Variants in TBC1D9 observed in about 807,000 individuals in gnomAD.
TBC1D9 encodes the protein TBC1 domain family member 9A.
Under a neutral mutation model 132.0 loss-of-function variants are expected in TBC1D9, and 63 were observed. The ratio of observed to expected loss-of-function variants is 0.48; its 90% CI spans 0.39 to 0.59. The LOEUF (loss-of-function observed/expected upper bound fraction) is 0.59. Among genes scored for constraint, TBC1D9 ranks in the 20% least tolerant of loss-of-function variants. The pLI, the probability that TBC1D9 is intolerant of heterozygous loss-of-function variation, is 0.00. For synonymous variants in TBC1D9, 610 were observed against 609.9 expected, an observed-to-expected ratio of 1.00 and a Z score of 0.00; for missense variants, 1,261 against 1,592.7, an observed-to-expected ratio of 0.79 and a Z score of 3.54.
Position 140,633,987 on chromosome 4 carries a change from C to G in TBC1D9, c.2707G>C (p.Asp903His). The G allele has an allele frequency of 6.2e-7, 1 of 1,614,008 alleles. No individual in the cohort carries two copies. Among genetic ancestry groups the G allele is most frequent in the Non-Finnish European group, 8.5e-7 (1 of 1,179,896 alleles). Residue 903 changes from aspartate to histidine, a missense_variant, in exon 16 of 21, where the codon GAC becomes CAC. By Grantham distance (81) the Asp-to-His change is moderately conservative (BLOSUM62 -1). This residue lies in a region of TBC1D9 where 618 missense variants were observed against 724.4 expected (regional missense o/e 0.85). Transcript: ENST00000442267. ...RLFQLLDENG[D>H]SLINFREFVS... ...AACTCCCGGAAGTTAATCAAAGAGT[C>G]TCCATTTTCATCTAATAACTGGAAC...
chr4:140,640,472 T>C (rs1736968894), intron 13 of TBC1D9, among the ~76,000 whole-genome samples: 1 of 151,318 alleles, frequency 6.6e-6, no homozygotes, highest in African/African-American at 2.4e-5. Flanking sequence ...GTGGGGGTGA[T>C]TTCTAGTCTT....
At chr4:140,666,843 A>G (rs1458532995) in intron 9 of TBC1D9, among the ~76,000 whole-genome samples, 1 of 152,178 alleles carries the variant, frequency 6.6e-6, no homozygotes, top group Admixed American at 6.5e-5. Context: ...GACAGGGTAA[A>G]CACTCAACAT....
chr4:140,715,544 G>A (rs1047928529), intron 1 of TBC1D9, among the ~76,000 whole-genome samples: 1 of 152,200 alleles, frequency 6.6e-6, no homozygotes, highest in Non-Finnish European at 1.5e-5. Flanking sequence ...GGCTCTTTGA[G>A]TAAATGTTCC....
intron 13 of TBC1D9, chr4:140,642,296 C>G (rs1232378616): frequency 2.8e-6 from 2 of 722,678 alleles, no homozygotes; most frequent in Non-Finnish European, 4.9e-6. Context: ...CGGAATGGGC[C>G]GACTTGGGCT....
chr4:140,702,472 T>C (rs551228263), intron 1 of TBC1D9, among the ~76,000 whole-genome samples: 2 of 152,242 alleles, frequency 1.3e-5, no homozygotes, highest in East Asian at 3.9e-4. Flanking sequence ...AGGTGGAAGG[T>C]GCCTCTAAGG....
intron 20 of TBC1D9, among the ~76,000 whole-genome samples, chr4:140,623,566 C>T (rs998376441): frequency 6.6e-6 from 1 of 152,180 alleles, no homozygotes; most frequent in African/African-American, 2.4e-5. Context: ...CACGTCTACA[C>T]ACTTTAGCAT....
chr4:140,677,146 A>G (rs1431598325), intron 5 of TBC1D9, 45 bp from the exon 6 acceptor site: 1 of 1,603,560 alleles, frequency 6.2e-7, no homozygotes, highest in Non-Finnish European at 8.5e-7. Flanking sequence ...ATGTTTCCAT[A>G]CCTTCTAAAT....
chr4:140,640,845 C>A (rs183070637), intron 13 of TBC1D9, among the ~76,000 whole-genome samples: 2 of 146,368 alleles, frequency 1.4e-5, no homozygotes, highest in African/African-American at 5.5e-5. Context: ...TTCTCATATT[C>A]CACTACTAAG....
intron 1 of TBC1D9, among the ~76,000 whole-genome samples, chr4:140,749,521 G>C (rs1362000631): frequency 6.6e-6 from 1 of 152,074 alleles, no homozygotes; most frequent in Non-Finnish European, 1.5e-5. Context: ...TTTCAAAATT[G>C]AGTAAGAAAA....
intron 1 of TBC1D9, among the ~76,000 whole-genome samples, chr4:140,730,045 T>C (rs1356692554): frequency 6.6e-6 from 1 of 152,156 alleles, no homozygotes; most frequent in Non-Finnish European, 1.5e-5. Context: ...TTCCCCCGTA[T>C]AGACTCCTGG....
At chr4:140,676,804 AG>A in intron 6 of TBC1D9, 89 bp downstream of exon 6, 1 of 1,511,688 alleles carries the variant, frequency 6.6e-7, no homozygotes. Context: ...TGTGTTCAAA[AG>A]CCAATTGTTG....
intron 1 of TBC1D9, among the ~76,000 whole-genome samples, chr4:140,714,924 C>T (rs1738306419): frequency 6.6e-6 from 1 of 152,088 alleles, no homozygotes; most frequent in East Asian, 1.9e-4. Context: ...CCCAGGAGAC[C>T]AGCTCGGGCA....
intron 3 of TBC1D9, among the ~76,000 whole-genome samples, chr4:140,685,149 A>T (rs59110264): frequency 6.6e-6 from 1 of 152,236 alleles, no homozygotes; most frequent in East Asian, 1.9e-4. Context: ...ATGAAAAATC[A>T]TCAATGGATC....
intron 1 of TBC1D9, among the ~76,000 whole-genome samples, chr4:140,725,345 G>A (rs1480269544): frequency 6.6e-6 from 1 of 152,130 alleles, no homozygotes; most frequent in East Asian, 1.9e-4. Context: ...TATGGTCTAT[G>A]CACCTGATTG....
In TBC1D9 at chr4:140,655,519, G is replaced by C. The variant is rs2163322; in HGVS notation, c.2337+1578C>G. 1.6e-4 allele frequency among the ~76,000 whole-genome samples: 24 copies of C among 152,098 alleles called. 1 individual carries two copies. The South Asian group carries it at 4.8e-3, about 30-fold the overall frequency. On this transcript the variant is annotated intron_variant, in intron 13 of 20. Coordinates refer to ENST00000442267, the MANE Select transcript of TBC1D9 (RefSeq NM_015130.3). ...AAAACACCTGTAGAGAGCATAGTGC[G>C]CTCAGCAGAATACTCAGGCTTTCTC... is the stretch of plus-strand genomic sequence containing the variant.
chr4:140,665,250 T>C (rs781324363), intron 9 of TBC1D9, among the ~76,000 whole-genome samples: 1 of 152,202 alleles, frequency 6.6e-6, no homozygotes, highest in East Asian at 1.9e-4. Flanking sequence ...AAATTGTATT[T>C]CATTAAAATT....
rs773281886 is a variant in TBC1D9, at chr4:140,677,127, A to G, written c.852-26T>C. ...CTGGAAAGCAATAATTACAATTCAC[A>G]TAAGAAAAATGTTTCCATACCTTCT... On this transcript the variant is annotated intron_variant, in intron 5 of 20. Transcript: ENST00000442267. 91 of 1,610,610 alleles carry G rather than the reference A, an allele frequency of 5.7e-5. 1 individual carries two copies. In the Middle Eastern group the frequency reaches 1.0e-3, roughly 18 times the overall value.
chr4:140,747,349 C>CAA (rs201840905), intron 1 of TBC1D9, among the ~76,000 whole-genome samples: 117 of 144,628 alleles, frequency 8.1e-4, no homozygotes, highest in Admixed American at 5.3e-3. Flanking sequence ...GAGACTCTGT[C>CAA]AAAAAAAAAA....
chr4:140,715,899 A>G (rs1429013901), intron 1 of TBC1D9: 1 of 152,226 alleles, frequency 6.6e-6, no homozygotes, highest in Admixed American at 6.5e-5. Flanking sequence ...AAAGCCTTAA[A>G]GAGAAAATTG....
Sources: allele counts gnomAD v4.1 joint callset (sites outside exome capture counted in the v4.1 genomes callset), GRCh38; gene constraint gnomAD v4.1.1; regional missense constraint gnomAD v4.1.1; transcripts MANE v1.5; gene names NCBI Gene and HGNC (gene_info 2026-07-23, HGNC 2026-07-21).